Variants in AUTS2 observed in about 807,000 individuals in gnomAD.
The protein encoded by AUTS2 is activator of transcription and developmental regulator AUTS2, also known as autism susceptibility gene 2 protein.
In AUTS2, 17 loss-of-function variants were observed where a neutral mutation model predicts 112.4. The observed-to-expected ratio is 0.15, with a 90% CI of 0.10 to 0.23. The LOEUF (loss-of-function observed/expected upper bound fraction) is 0.23. AUTS2 is among the 10% of genes least tolerant of loss of function. AUTS2 has a pLI of 1.00. For synonymous variants in AUTS2, 751 were observed against 702.7 expected (o/e 1.07, Z -1.09); for missense variants, 1,510 against 1,701.6 (o/e 0.89, Z 1.98).
intron 2 of AUTS2, among the ~76,000 whole-genome samples, chr7:69,923,458 G>A (rs762286426): frequency 3.9e-5 from 6 of 152,068 alleles, no homozygotes; most frequent in East Asian, 1.9e-4. Flanking sequence ...TTTCACTAGC[G>A]TATGACTTTT....
At chr7:70,191,759 G>A (rs1261356965) in intron 4 of AUTS2, among the ~76,000 whole-genome samples, 1 of 151,850 alleles carries the variant, frequency 6.6e-6, no homozygotes, top group Admixed American at 6.6e-5. Context: ...CAATAGTTTT[G>A]TATAAGAAAA....
At chr7:69,699,654 T>G (rs1052052215) in intron 1 of AUTS2, among the ~76,000 whole-genome samples, 2 of 149,900 alleles carry the variant, frequency 1.3e-5, no homozygotes, top group Non-Finnish European at 1.5e-5. Context: ...TTTTTTTTTT[T>G]TTTTTTTCCC....
chr7:70,484,321 G>C (rs1026728162), intron 5 of AUTS2, among the ~76,000 whole-genome samples: 3 of 152,196 alleles, frequency 2.0e-5, no homozygotes, highest in African/African-American at 7.2e-5. Context: ...GGCCCATTCT[G>C]AACTCTGGGC....
chr7:69,655,003 A>G (rs963587712), intron 1 of AUTS2, among the ~76,000 whole-genome samples: 1 of 152,198 alleles, frequency 6.6e-6, no homozygotes, highest in Non-Finnish European at 1.5e-5. Context: ...CTCCTGTCTT[A>G]GCAATACATG....
chr7:70,377,915 C>T (rs967368103), intron 4 of AUTS2, among the ~76,000 whole-genome samples: 15 of 151,698 alleles, frequency 9.9e-5, no homozygotes, highest in South Asian at 4.2e-4. Context: ...GGACTACAAG[C>T]GCCCGCCACC....
At chr7:70,784,848 A>G (rs1791339376) in intron 15 of AUTS2, 94 bp from the exon 16 acceptor site, 3 of 1,115,734 alleles carry the variant, frequency 2.7e-6, no homozygotes, top group Admixed American at 3.8e-5. Flanking sequence ...CCTTGAACAT[A>G]TTTTCTCACG....
intron 5 of AUTS2, among the ~76,000 whole-genome samples, chr7:70,467,664 A>G (rs1207280779): frequency 6.6e-6 from 1 of 152,170 alleles, no homozygotes; most frequent in Non-Finnish European, 1.5e-5. Context: ...CATTATCCCC[A>G]TTTTATATGT....
At chr7:70,698,099 A>AG (rs1352334313) in intron 5 of AUTS2, among the ~76,000 whole-genome samples, 2 of 152,198 alleles carry the variant, frequency 1.3e-5, no homozygotes, top group African/African-American at 4.8e-5. Flanking sequence ...TTAAAAAAAA[A>AG]TTAATTTCTG....
At chr7:69,847,472 C>T (rs1030573061) in intron 1 of AUTS2, among the ~76,000 whole-genome samples, 9 of 152,148 alleles carry the variant, frequency 5.9e-5, no homozygotes, top group South Asian at 2.1e-4. Flanking sequence ...TACTTTGCTC[C>T]GCCATAGCCT....
chr7:70,672,575 C>T (rs756378056), intron 5 of AUTS2, among the ~76,000 whole-genome samples: 11 of 152,024 alleles, frequency 7.2e-5, no homozygotes, highest in Admixed American at 4.6e-4. Flanking sequence ...ACTGCTTCCT[C>T]GAAAGGGTAG....
chr7:70,006,103 C>G (rs1799533997), intron 2 of AUTS2, among the ~76,000 whole-genome samples: 1 of 152,146 alleles, frequency 6.6e-6, no homozygotes, highest in South Asian at 2.1e-4. Flanking sequence ...GGTGCCCCGT[C>G]CTCAGAACAT....
rs904006903 is a variant in AUTS2 at position 70,396,120 on chromosome 7, C to G, written c.661-39632C>G. Among the ~76,000 whole-genome samples, 3 of 152,136 alleles carry G rather than the reference C, an allele frequency of 2.0e-5. No individual in the cohort carries two copies. In the East Asian group the frequency reaches 5.8e-4, roughly 29 times the overall value. ...AATTTAATAAGTTTTGATCAAAGTA[C>G]CCACTCATGACACCATCACCACAGT... On this transcript the variant is annotated intron_variant, in intron 4 of 18. Coordinates refer to ENST00000342771, the MANE Select transcript of AUTS2 (RefSeq NM_015570.4).
At chr7:70,001,936 C>G (rs1351298680) in intron 2 of AUTS2, among the ~76,000 whole-genome samples, 1 of 152,106 alleles carries the variant, frequency 6.6e-6, no homozygotes, top group Non-Finnish European at 1.5e-5. Context: ...GTCTCAAACT[C>G]CTGACCTCAG....
chr7:69,659,583 G>GTTTTTTTTTTTTTTTTTTTT (rs58289887), intron 1 of AUTS2, among the ~76,000 whole-genome samples: 2 of 81,268 alleles, frequency 2.5e-5, no homozygotes, highest in Non-Finnish European at 4.4e-5. Flanking sequence ...AGGCTTAGTT[G>GTTTTTTTTTTTTTTTTTTTT]TTTTTTTTTT....
At chr7:70,461,875 A>G (rs996631613) in intron 5 of AUTS2, among the ~76,000 whole-genome samples, 8 of 151,812 alleles carry the variant, frequency 5.3e-5, no homozygotes, top group South Asian at 2.1e-4. Context: ...CTCTGCGTCA[A>G]TCAGAGAAGC....
chr7:70,525,828 G>A (rs1041851813), intron 5 of AUTS2, among the ~76,000 whole-genome samples: 4 of 152,342 alleles, frequency 2.6e-5, no homozygotes, highest in African/African-American at 9.6e-5. Flanking sequence ...CTCGAGTGAG[G>A]AGATGGGCAC....
intron 5 of AUTS2, among the ~76,000 whole-genome samples, chr7:70,502,696 T>C (rs989954139): frequency 2.6e-5 from 4 of 152,188 alleles, no homozygotes. Context: ...AAGGGCCCAG[T>C]ACCACATGGG....
At chr7:69,609,030 C>A (rs964703838) in intron 1 of AUTS2, among the ~76,000 whole-genome samples, 4 of 152,190 alleles carry the variant, frequency 2.6e-5, no homozygotes, top group Admixed American at 2.6e-4. Context: ...GCTTTCTAAG[C>A]CGTGTGGCAT....
chr7:70,320,983 C>T (rs1263249357), intron 4 of AUTS2, among the ~76,000 whole-genome samples: 1 of 152,196 alleles, frequency 6.6e-6, no homozygotes, highest in Non-Finnish European at 1.5e-5. Context: ...GCAGTAAACA[C>T]CTTACAATAG....
Sources: allele counts gnomAD v4.1 joint callset (sites outside exome capture counted in the v4.1 genomes callset), GRCh38; gene constraint gnomAD v4.1.1; transcripts MANE v1.5; gene names NCBI Gene and HGNC (gene_info 2026-07-23, HGNC 2026-07-21).